The following MTMR12 variants were observed in gnomAD, a reference collection of about 807,000 sequenced individuals.
The protein encoded by MTMR12 is myotubularin related protein 12.
A neutral mutation model predicts 96.7 loss-of-function variants in MTMR12; 33 were observed. That is an observed-to-expected ratio of 0.34 (90% CI 0.26 to 0.46). The LOEUF is 0.46. Among genes scored for constraint, MTMR12 ranks in the 20% least tolerant of loss-of-function variants. The probability of loss-of-function intolerance (pLI) is 1.00; values close to 1 mark genes in which losing one functional copy is unlikely to be tolerated. For missense variants in MTMR12, 721 were observed against 896.1 expected, an observed-to-expected ratio of 0.80 and a Z score of 2.49; for synonymous variants, 298 against 327.2, an observed-to-expected ratio of 0.91 and a Z score of 0.96.
intron 1 of MTMR12, among the ~76,000 whole-genome samples, chr5:32,279,555 A>C (rs1300846525): frequency 6.6e-6 from 1 of 152,240 alleles, no homozygotes; most frequent in East Asian, 1.9e-4. Context: ...TGTAGCATCC[A>C]TTGCTTGTAA....
Position 32,229,585 on chromosome 5 carries a change from G to T in MTMR12, c.*193C>A. On this transcript the variant is annotated 3_prime_UTR_variant, in exon 16 of 16. Coordinates refer to ENST00000382142, the MANE Select transcript of MTMR12 (RefSeq NM_001040446.3). ...CCTTCCAATTAGTAATACTACAGAT[G>T]CGGTTTTAATTGCATAGTCTTTTAG... The T allele has an allele frequency of 2.2e-6, 1 of 459,694 alleles. No individual in the cohort carries two copies. 28.5% of individuals were successfully genotyped at this position (459,694 alleles called of 1,614,324 possible).
rs1748108016 is a variant in MTMR12, at chr5:32,233,958, G to A, written c.1513-24C>T. ...CCCTGCCAAAACAAGCACAGGTCAT[G>A]CTGTTTTCCAGGGAGGGCTGAGGAA... On this transcript the variant is annotated intron_variant, in intron 14 of 15. Transcript: ENST00000382142. This position sits in a 1 kb window ranked among gnomAD's most constrained non-coding sequence, Gnocchi z 5.0. 1 of 1,613,700 alleles carries A rather than the reference G, an allele frequency of 6.2e-7. No individual in the cohort carries two copies. The highest frequency in any genetic ancestry group is 8.5e-7 in the Non-Finnish European group (1 of 1,179,690).
intron 5 of MTMR12, 142 bp downstream of exon 5, chr5:32,270,675 T>C: frequency 1.1e-6 from 1 of 895,242 alleles, no homozygotes; most frequent in Non-Finnish European, 1.7e-6. Context: ...CACGTTCTAA[T>C]CAAAGAATAT....
intron 15 of MTMR12, among the ~76,000 whole-genome samples, chr5:32,231,173 T>C (rs1186444153): frequency 1.3e-5 from 2 of 152,056 alleles, no homozygotes; most frequent in African/African-American, 4.8e-5. Flanking sequence ...GCAGATCACC[T>C]GAGGCCAGGA....
Position 32,312,531 on chromosome 5 carries a change from G to C in MTMR12, c.81+227C>G, listed in dbSNP as rs1247113134. Among the ~76,000 whole-genome samples, 2 of 152,102 alleles carry C rather than the reference G, an allele frequency of 1.3e-5. No homozygotes were observed. Among genetic ancestry groups the C allele is most frequent in the African/African-American group, 4.8e-5 (2 of 41,438 alleles). ...TCGGGCCCCTCCACCAGCCTCCAGC[G>C]CTCGGGCCCTGCGCTCAGGCACCTG... On this transcript the variant is annotated intron_variant, in intron 1 of 15. Coordinates refer to ENST00000382142, the MANE Select transcript of MTMR12 (RefSeq NM_001040446.3). The surrounding 1 kb of genome is among the most constrained non-coding windows in gnomAD (Gnocchi z 5.0).
chr5:32,252,640 A>G (rs1354507932), intron 8 of MTMR12, among the ~76,000 whole-genome samples: 1 of 152,214 alleles, frequency 6.6e-6, no homozygotes, highest in Non-Finnish European at 1.5e-5. Context: ...ATAGCTATTG[A>G]TATTTACCAC....
chr5:32,263,307 G>C, intron 6 of MTMR12, 65 bp from the exon 7 acceptor site: 5 of 1,591,436 alleles, frequency 3.1e-6, no homozygotes, highest in Non-Finnish European at 4.3e-6. Context: ...TTTATTATGT[G>C]AAAGTCCCTC....
At chr5:32,240,321 C>T (rs1054230359) in intron 12 of MTMR12, among the ~76,000 whole-genome samples, 2 of 151,252 alleles carry the variant, frequency 1.3e-5, no homozygotes, top group African/African-American at 4.9e-5. Flanking sequence ...ATCGCTTGAA[C>T]CAGGGAGACA....
chr5:32,309,971 A>T (rs1751512556), intron 1 of MTMR12, among the ~76,000 whole-genome samples: 4 of 152,202 alleles, frequency 2.6e-5, no homozygotes. Flanking sequence ...AACTAAAAAT[A>T]GAGCCACCAT....
intron 8 of MTMR12, among the ~76,000 whole-genome samples, chr5:32,253,366 T>C (rs1749017642): frequency 6.6e-6 from 1 of 152,196 alleles, no homozygotes; most frequent in African/African-American, 2.4e-5. Context: ...ATTCCAAATA[T>C]AAAATAAATT....
intron 13 of MTMR12, among the ~76,000 whole-genome samples, chr5:32,236,143 A>G (rs1398098692): frequency 1.3e-5 from 2 of 152,214 alleles, no homozygotes; most frequent in East Asian, 3.9e-4. Context: ...AGAAAATACA[A>G]GTGACTTCTC....
rs200587545 is a variant in MTMR12, at chr5:32,255,707, C to T, written c.775G>A (p.Gly259Ser). The T allele has an allele frequency of 5.2e-4, 830 of 1,611,620 alleles. No individual in the cohort carries two copies. The highest frequency in any genetic ancestry group is 6.8e-4 in the Non-Finnish European group (798 of 1,179,118). The change falls in exon 8 of 16, where the codon GGT becomes AGT. Residue 259 changes from glycine (G) to serine (S), a missense_variant. Gly to Ser is a moderately conservative substitution (Grantham distance 56). Coordinates refer to ENST00000382142, the MANE Select transcript of MTMR12 (RefSeq NM_001040446.3). ...GATGCACTTACTGGTATGCCATGAC[C>T]CTGAAAGCGCTGCACATTCTCTTCA... ...LPEENVQRFQ[G>S]HGIPIWCWSC... is the part of the protein sequence containing the mutation.
intron 12 of MTMR12, among the ~76,000 whole-genome samples, chr5:32,241,294 C>T (rs1312460510): frequency 6.6e-6 from 1 of 152,120 alleles, no homozygotes; most frequent in Non-Finnish European, 1.5e-5. Flanking sequence ...GGCAGAGGCT[C>T]AATAAATGTA....
At chr5:32,305,449 C>T (rs1025263786) in intron 1 of MTMR12, among the ~76,000 whole-genome samples, 4 of 152,208 alleles carry the variant, frequency 2.6e-5, no homozygotes, top group South Asian at 2.1e-4. Flanking sequence ...TTATCTTTAC[C>T]GCTAGGACTA....
chr5:32,256,855 C>T, intron 7 of MTMR12, among the ~76,000 whole-genome samples: 1 of 152,166 alleles, frequency 6.6e-6, no homozygotes, highest in Admixed American at 6.5e-5. Context: ...AGTCAAGTTT[C>T]TTCAACATAT....
intron 1 of MTMR12, among the ~76,000 whole-genome samples, chr5:32,288,494 G>A (rs1750629177): frequency 6.6e-6 from 1 of 152,196 alleles, no homozygotes; most frequent in South Asian, 2.1e-4. Flanking sequence ...CCCAGCAGGT[G>A]AGGTGAGGTT....
intron 2 of MTMR12, among the ~76,000 whole-genome samples, chr5:32,276,205 C>T (rs562226374): frequency 4.0e-4 from 61 of 152,302 alleles, no homozygotes; most frequent in Middle Eastern, 3.4e-3. Flanking sequence ...GACTGCAGGG[C>T]GAAGTGCTGG....
chr5:32,301,226 G>A (rs182404169), intron 1 of MTMR12, among the ~76,000 whole-genome samples: 5 of 152,300 alleles, frequency 3.3e-5, no homozygotes, highest in Non-Finnish European at 5.9e-5. Context: ...GGGCATCAAA[G>A]GAGAAGGCAC....
In MTMR12 at chr5:32,228,552, ATG is replaced by A. The variant is rs1353340272; in HGVS notation, c.*1224_*1225del. 2 of 133,758 alleles carry A rather than the reference ATG, an allele frequency of 1.5e-5. No homozygotes were observed. The highest frequency in any genetic ancestry group is 2.0e-4 in the East Asian group (1 of 4,898). 8.3% of individuals were successfully genotyped at this position (133,758 alleles called of 1,614,324 possible). A position where few individuals can be genotyped will look rare whatever the true frequency, so the allele number is the denominator to read the frequency against. The stretch of plus-strand genomic sequence containing the variant: ...TATATATGATATATATATCATATAT[ATG>A]TGATATATATATATCATATATATAT... On this transcript the variant is annotated 3_prime_UTR_variant, in exon 16 of 16. Coordinates refer to ENST00000382142, the MANE Select transcript of MTMR12 (RefSeq NM_001040446.3).
Sources: allele counts gnomAD v4.1 joint callset (sites outside exome capture counted in the v4.1 genomes callset), GRCh38; gene constraint gnomAD v4.1.1; non-coding constraint Gnocchi (gnomAD v3.1); transcripts MANE v1.5; gene names NCBI Gene and HGNC (gene_info 2026-07-23, HGNC 2026-07-21).